DCLK1: variants seen among roughly 807,000 people sequenced by gnomAD.
DCLK1 encodes the protein doublecortin like kinase 1, also known as serine/threonine-protein kinase DCLK1.
DCLK1 carries 16 observed loss-of-function variants against 86.2 expected under a neutral mutation model. The observed-to-expected ratio is 0.19, with a 90% CI of 0.13 to 0.28. The LOEUF (loss-of-function observed/expected upper bound fraction) is 0.28, where lower values mean the gene tolerates loss of function less well. Ranked by LOEUF, DCLK1 falls within the 10% of genes least tolerant of loss-of-function variation. The pLI is 1.00. For missense variants in DCLK1, 590 were observed against 940.2 expected, an observed-to-expected ratio of 0.63 and a Z score of 4.87; for synonymous variants, 369 against 370.5, an observed-to-expected ratio of 1.00 and a Z score of 0.05.
At chr13:35,980,145 ACT>A (rs1397836307) in intron 3 of DCLK1, among the ~76,000 whole-genome samples, 1 of 152,138 alleles carries the variant, frequency 6.6e-6, no homozygotes, top group Non-Finnish European at 1.5e-5. Context: ...TGAAAATGAA[ACT>A]CTGTATCCAT....
At chr13:36,086,452 C>CTTTT (rs66864823) in intron 3 of DCLK1, among the ~76,000 whole-genome samples, 68 of 141,104 alleles carry the variant, frequency 4.8e-4, no homozygotes, top group South Asian at 7.0e-4. Flanking sequence ...TCCTCAACAG[C>CTTTT]TTTTTTTTTT....
At chr13:35,920,687 T>C (rs7333831) in intron 4 of DCLK1, among the ~76,000 whole-genome samples, 24,945 of 151,946 alleles carry the variant, frequency 0.16, 2,515 homozygotes, top group African/African-American at 0.28. Flanking sequence ...AAACCGGAGA[T>C]TGAGGGCCAT....
intron 3 of DCLK1, among the ~76,000 whole-genome samples, chr13:36,045,556 A>G (rs1882878781): frequency 6.6e-6 from 1 of 151,884 alleles, no homozygotes; most frequent in Non-Finnish European, 1.5e-5. Context: ...TGAGCTTTAC[A>G]AATTTTGTCA....
intron 8 of DCLK1, among the ~76,000 whole-genome samples, chr13:35,835,116 C>T (rs1869261372): frequency 6.6e-6 from 1 of 152,154 alleles, no homozygotes; most frequent in South Asian, 2.1e-4. Context: ...GCCTTCTCAT[C>T]TGTCTTCTCT....
At chr13:36,073,816 T>C (rs1451821552) in intron 3 of DCLK1, among the ~76,000 whole-genome samples, 1 of 152,156 alleles carries the variant, frequency 6.6e-6, no homozygotes, top group Non-Finnish European at 1.5e-5. Context: ...TCGTGCAGCA[T>C]ACATCCACAA....
chr13:35,848,438 A>G (rs1870372175), intron 6 of DCLK1: 1 of 985,330 alleles, frequency 1.0e-6, no homozygotes, highest in Non-Finnish European at 1.2e-6. Flanking sequence ...AGTAAATGAT[A>G]TATATAGCCC....
At chr13:36,072,042 C>T (rs1566669414) in intron 3 of DCLK1, among the ~76,000 whole-genome samples, 1 of 152,080 alleles carries the variant, frequency 6.6e-6, no homozygotes, top group Non-Finnish European at 1.5e-5. Flanking sequence ...TTCTTACTAC[C>T]CTACTTCCTT....
intron 3 of DCLK1, among the ~76,000 whole-genome samples, chr13:36,102,081 C>G (rs1885238611): frequency 6.6e-6 from 1 of 152,110 alleles, no homozygotes; most frequent in Non-Finnish European, 1.5e-5. Context: ...AAGCATACAC[C>G]TGTGCACACA....
chr13:36,024,737 A>G (rs534655326), intron 3 of DCLK1, among the ~76,000 whole-genome samples: 41 of 152,248 alleles, frequency 2.7e-4, no homozygotes, highest in African/African-American at 9.1e-4. Context: ...TTACAAACTG[A>G]TCTAAAATTC....
chr13:35,836,443 C>T (rs2296647), intron 7 of DCLK1, among the ~76,000 whole-genome samples: 37,739 of 152,096 alleles, frequency 0.25, 4,953 homozygotes, highest in African/African-American at 0.32. Context: ...TTTTACTTCA[C>T]GCCAATTTGA....
chr13:35,921,477 C>G (rs536631410), intron 4 of DCLK1, among the ~76,000 whole-genome samples: 9 of 152,282 alleles, frequency 5.9e-5, no homozygotes, highest in African/African-American at 2.2e-4. Flanking sequence ...AGAAGACTTT[C>G]CTAAAACCCA....
In DCLK1 at chr13:35,808,914, G is replaced by A. The variant is rs886112049; in HGVS notation, c.1766+104C>T. ...CAGGGATTGCAAGTAAAGTTCTTGT[G>A]CTCTTTTCCTGCTGCAGGCTCCTTT... On this transcript the variant is annotated intron_variant, in intron 13 of 16. Transcript: ENST00000360631. The A allele has an allele frequency of 9.0e-6, 8 of 891,330 alleles. No homozygotes were observed. The African/African-American group carries it at 1.4e-4, about 15-fold the overall frequency. 55.2% of individuals were successfully genotyped at this position (891,330 alleles called of 1,614,324 possible). A position where few individuals can be genotyped will look rare whatever the true frequency, so the allele number is the denominator to read the frequency against.
At chr13:35,997,838 C>T (rs1880538449) in intron 3 of DCLK1, among the ~76,000 whole-genome samples, 2 of 152,132 alleles carry the variant, frequency 1.3e-5, no homozygotes, top group Non-Finnish European at 2.9e-5. Context: ...ATGCATAGGT[C>T]CTGGGGTGTT....
chr13:35,974,116 A>G (rs1438976890), intron 3 of DCLK1, among the ~76,000 whole-genome samples: 4 of 152,244 alleles, frequency 2.6e-5, no homozygotes, highest in Admixed American at 6.5e-5. Context: ...AAAGTTTAGA[A>G]TAACTGCCCA....
chr13:35,900,373 C>T (rs1466843743), intron 4 of DCLK1, among the ~76,000 whole-genome samples: 3 of 151,728 alleles, frequency 2.0e-5, no homozygotes, highest in Non-Finnish European at 4.4e-5. Context: ...TCCAAGTAGC[C>T]GGGATTACAG....
At chr13:36,056,650 G>A (rs1311238376) in intron 3 of DCLK1, among the ~76,000 whole-genome samples, 4 of 120,622 alleles carry the variant, frequency 3.3e-5, no homozygotes, top group African/African-American at 7.8e-5. Flanking sequence ...AGAAATTCCA[G>A]AGCACACAAA....
At position 35,793,271 on chromosome 13, in the gene DCLK1, T is replaced by C. The variant is rs2086741583; in HGVS notation, c.2058+95A>G. On this transcript the variant is annotated intron_variant, in intron 16 of 16. Transcript: ENST00000360631. ...TGAGCTGTCTAAAGAAATGACCCAT[T>C]CTGCTGTCTCTGACTGGAGAATCTC... 6.6e-6 allele frequency: 6 copies of C among 908,708 alleles called. 2 individuals are homozygous for C. The South Asian group carries it at 1.1e-4, about 16-fold the overall frequency. 56.3% of individuals were successfully genotyped at this position (908,708 alleles called of 1,614,324 possible).
At chr13:35,910,231 G>A (rs1456688923) in intron 4 of DCLK1, among the ~76,000 whole-genome samples, 5 of 152,186 alleles carry the variant, frequency 3.3e-5, no homozygotes, top group African/African-American at 7.2e-5. Flanking sequence ...AAACTGAAAT[G>A]CACGAACAGT....
intron 4 of DCLK1, among the ~76,000 whole-genome samples, chr13:35,913,150 G>T (rs754397124): frequency 6.6e-6 from 1 of 152,146 alleles, no homozygotes; most frequent in African/African-American, 2.4e-5. Context: ...GATGTGAAAC[G>T]GTCCTGGAAT....
Sources: gnomAD v4.1 joint callset for allele counts (sites outside exome capture counted in the v4.1 genomes callset) on GRCh38, gnomAD v4.1.1 for gene constraint, MANE v1.5 for transcripts, NCBI Gene and HGNC (gene_info 2026-07-23, HGNC 2026-07-21) for gene names.